NTRK2: variants seen among roughly 807,000 people sequenced by gnomAD.
The protein encoded by NTRK2 is BDNF/NT-3 growth factors receptor.
A neutral mutation model predicts 94.5 loss-of-function variants in NTRK2; 13 were observed. The observed-to-expected ratio is 0.14, with a 90% confidence interval of 0.09 to 0.22. The LOEUF is 0.22. Among genes scored for constraint, NTRK2 ranks in the 10% least tolerant of loss-of-function variants. The pLI, the probability that NTRK2 is intolerant of heterozygous loss-of-function variation, is 1.00. For missense variants in NTRK2, 639 were observed against 1,071.2 expected (o/e 0.60, Z 5.63); for synonymous variants, 372 against 407.4 (o/e 0.91, Z 1.05).
chr9:84,714,679 A>G (rs2061605442), intron 6 of NTRK2, among the ~76,000 whole-genome samples: 1 of 152,216 alleles, frequency 6.6e-6, no homozygotes, highest in African/African-American at 2.4e-5. Context: ...TAATACGCCA[A>G]TATCTTCAAG....
intron 6 of NTRK2, among the ~76,000 whole-genome samples, chr9:84,713,125 T>C (rs1479575378): frequency 2.0e-5 from 3 of 152,208 alleles, no homozygotes; most frequent in Non-Finnish European, 1.5e-5. Flanking sequence ...ACTGCTGTCA[T>C]GGCTTTTGAG....
intron 11 of NTRK2, among the ~76,000 whole-genome samples, chr9:84,746,848 CT>C (rs1232776850): frequency 6.6e-6 from 1 of 152,180 alleles, no homozygotes; most frequent in Non-Finnish European, 1.5e-5. Flanking sequence ...TTATCATTGT[CT>C]GGAATGACCC....
chr9:84,988,452 ACACACT>A (rs760573251), intron 17 of NTRK2, among the ~76,000 whole-genome samples: 2 of 152,142 alleles, frequency 1.3e-5, no homozygotes, highest in Non-Finnish European at 1.5e-5. Flanking sequence ...ACAAACACAC[ACACACT>A]CACACTCACT....
In NTRK2 at chr9:84,835,706, G is replaced by A. The variant is rs148113399; in HGVS notation, c.1397-25334G>A. Among the ~76,000 whole-genome samples the A allele has an allele frequency of 1.3e-3, 199 of 152,320 alleles. 2 individuals carry two copies. Among genetic ancestry groups the A allele is most frequent in the African/African-American group, 3.7e-3 (153 of 41,570 alleles). On this transcript the variant is annotated intron_variant, in intron 12 of 18. Transcript: ENST00000277120. Reference sequence around the variant, plus strand: ...AGATAGCCGCATGGGTAACAGCAGCGTGAGGCTGACCCAGGGAAGCCAGCT... The same window carrying A: ...AGATAGCCGCATGGGTAACAGCAGCATGAGGCTGACCCAGGGAAGCCAGCT...
chr9:85,022,392 A>G lies in NTRK2; in HGVS notation c.*955A>G, dbSNP rs1832827817. 1.7e-5 allele frequency: 4 copies of G among 233,166 alleles called. No homozygotes were observed. The East Asian group carries it at 2.4e-4, about 14-fold the overall frequency. The allele number at this position is 233,166 out of a possible 1,614,324, so 14.4% of individuals were successfully genotyped here. A position where few individuals can be genotyped will look rare whatever the true frequency, so the allele number is the denominator to read the frequency against. On this transcript the variant is annotated 3_prime_UTR_variant, in exon 19 of 19. Transcript: ENST00000277120. Reference sequence around the variant, plus strand: ...TGTCTTCGTAGGTTGTGATGATAGCACTGGTTTGTTTCTCAAGCGCTATCC... The same window carrying G: ...TGTCTTCGTAGGTTGTGATGATAGCGCTGGTTTGTTTCTCAAGCGCTATCC...
intron 2 of NTRK2, among the ~76,000 whole-genome samples, chr9:84,678,519 G>A (rs1048999951): frequency 2.0e-5 from 3 of 152,210 alleles, no homozygotes; most frequent in Non-Finnish European, 4.4e-5. Context: ...CCCTTGCTGT[G>A]AGGTGGCAGA....
chr9:84,926,153 C>CTTTCTTT (rs2077777022), intron 14 of NTRK2, among the ~76,000 whole-genome samples: 1 of 91,362 alleles, frequency 1.1e-5, no homozygotes, highest in East Asian at 3.0e-4. Context: ...TTCCTTCCTT[C>CTTTCTTT]CTTCCTTCCT....
Position 85,003,874 on chromosome 9 carries a change from G to A in NTRK2, c.2173-16332G>A, listed in dbSNP as rs151165848. Among the ~76,000 whole-genome samples the A allele has an allele frequency of 8.6e-5, 13 of 150,648 alleles. No individual in the cohort carries two copies. The East Asian group carries it at 2.5e-3, about 29-fold the overall frequency. ...GTAGGGCTGAAAGAACCTGATGGTG[G>A]CTTGGATATGGGGATAAGAGAAAAC... On this transcript the variant is annotated intron_variant, in intron 17 of 18. Coordinates refer to ENST00000277120, the MANE Select transcript of NTRK2 (RefSeq NM_006180.6).
At position 84,829,734 on chromosome 9, in the gene NTRK2, G is replaced by A. The variant is rs79994110; in HGVS notation, c.1397-31306G>A. On this transcript the variant is annotated intron_variant, in intron 12 of 18. Coordinates refer to ENST00000277120, the MANE Select transcript of NTRK2 (RefSeq NM_006180.6). ...CGGGGGTCCATCAGATGCCTTCTGGGATTGTTCAGGGATTTATGATGCTCA... is the reference window on the plus strand; with the variant it reads ...CGGGGGTCCATCAGATGCCTTCTGGAATTGTTCAGGGATTTATGATGCTCA... 3.9e-5 allele frequency among the ~76,000 whole-genome samples: 6 copies of A among 152,292 alleles called. No individual in the cohort carries two copies. The East Asian group carries it at 1.2e-3, about 29-fold the overall frequency.
chr9:84,839,884 A>G (rs1018776972), intron 12 of NTRK2, among the ~76,000 whole-genome samples: 3 of 152,184 alleles, frequency 2.0e-5, no homozygotes, highest in Non-Finnish European at 4.4e-5. Context: ...GACTCTGGGA[A>G]GCTCTGAAAC....
At chr9:84,731,312 T>C (rs2062875553) in intron 9 of NTRK2, among the ~76,000 whole-genome samples, 1 of 152,096 alleles carries the variant, frequency 6.6e-6, no homozygotes, top group African/African-American at 2.4e-5. Flanking sequence ...TGTGTGTGCC[T>C]GTAGTCCCAG....
At chr9:84,710,496 G>A in intron 5 of NTRK2, 141 bp from the exon 6 acceptor site, 1 of 818,864 alleles carries the variant, frequency 1.2e-6, no homozygotes, top group Non-Finnish European at 2.1e-6. Flanking sequence ...GGAATAATAA[G>A]TACTGTCATG....
chr9:84,955,573 G>T, intron 17 of NTRK2, 56 bp downstream of exon 17: 1 of 1,414,096 alleles, frequency 7.1e-7, no homozygotes, highest in South Asian at 1.2e-5. Context: ...CGGGACCCCT[G>T]CTGTATTTGT....
chr9:84,949,804 T>C (rs1221205217), intron 16 of NTRK2, among the ~76,000 whole-genome samples: 1 of 152,024 alleles, frequency 6.6e-6, no homozygotes, highest in Non-Finnish European at 1.5e-5. Flanking sequence ...TCTCAAGAAC[T>C]CCCCTCCCTC....
chr9:84,954,322 A>C (rs1368805741), intron 16 of NTRK2, among the ~76,000 whole-genome samples: 2 of 152,186 alleles, frequency 1.3e-5, no homozygotes, highest in African/African-American at 4.8e-5. Flanking sequence ...GTCACAGCAG[A>C]GCCTGCCGCG....
At chr9:84,968,616 G>T (rs1289090630) in intron 17 of NTRK2, among the ~76,000 whole-genome samples, 2 of 152,146 alleles carry the variant, frequency 1.3e-5, no homozygotes, top group Non-Finnish European at 2.9e-5. Flanking sequence ...AGCAGACTTG[G>T]ATTTATTCTC....
intron 14 of NTRK2, among the ~76,000 whole-genome samples, chr9:84,928,238 G>A (rs754342000): frequency 3.9e-5 from 6 of 152,136 alleles, no homozygotes; most frequent in Non-Finnish European, 8.8e-5. Flanking sequence ...TTTTTATAAG[G>A]TGGATGATTT....
At chr9:84,978,716 A>G (rs773968881) in intron 17 of NTRK2, among the ~76,000 whole-genome samples, 58 of 152,340 alleles carry the variant, frequency 3.8e-4, no homozygotes, top group Admixed American at 6.5e-4. Context: ...GAAAATAGCT[A>G]GAGAGGAGAA....
intron 17 of NTRK2, among the ~76,000 whole-genome samples, chr9:84,995,889 G>T (rs367836245): frequency 2.6e-5 from 4 of 152,216 alleles, no homozygotes; most frequent in African/African-American, 7.2e-5. Context: ...CATTAATAGA[G>T]GACAAGAAAC....
Sources: gnomAD v4.1 joint callset for allele counts (sites outside exome capture counted in the v4.1 genomes callset) on GRCh38, gnomAD v4.1.1 for gene constraint, MANE v1.5 for transcripts, NCBI Gene and HGNC (gene_info 2026-07-23, HGNC 2026-07-21) for gene names.